Variants in KIF3A observed in about 807,000 individuals in gnomAD.
KIF3A encodes the protein kinesin family member 3A.
A neutral mutation model predicts 92.6 loss-of-function variants in KIF3A; 27 were observed. The ratio of observed to expected loss-of-function variants is 0.29; its 90% confidence interval spans 0.21 to 0.40. KIF3A has a LOEUF of 0.40. KIF3A is among the 10% of genes least tolerant of loss of function. The pLI is 1.00. For missense variants in KIF3A, 581 were observed against 872.6 expected (o/e 0.67, Z 4.21); for synonymous variants, 250 against 275.4 (o/e 0.91, Z 0.92).
At chr5:132,706,819 A>G (rs965521505) in intron 10 of KIF3A, among the ~76,000 whole-genome samples, 1 of 152,218 alleles carries the variant, frequency 6.6e-6, no homozygotes, top group African/African-American at 2.4e-5. Flanking sequence ...GGAACCTGCT[A>G]AGATCTGGGA....
rs907308055 is a variant in KIF3A, at chr5:132,716,513, T to C, written c.757-71A>G. 1.7e-5 allele frequency: 22 copies of C among 1,299,278 alleles called. No individual in the cohort carries two copies. In the East Asian group the frequency reaches 1.9e-4, roughly 11 times the overall value. The allele number at this position is 1,299,278 out of a possible 1,614,324, so 80.5% of individuals were successfully genotyped here. On this transcript the variant is annotated intron_variant, in intron 6 of 18. Coordinates refer to ENST00000403231, the MANE Select transcript of KIF3A (RefSeq NM_001300791.2). The stretch of plus-strand genomic sequence containing the variant: ...ATAGAATATTCTTCCCAAGGTTTTA[T>C]TAAAAAGTAATGTAACAGTAAAAAA...
At chr5:132,707,395 A>C (rs559906987) in intron 10 of KIF3A, among the ~76,000 whole-genome samples, 2 of 152,348 alleles carry the variant, frequency 1.3e-5, no homozygotes, top group South Asian at 4.1e-4. Context: ...CAAGAAAAAA[A>C]TTATGTGCTA....
At chr5:132,717,250 A>G (rs1753657654) in intron 5 of KIF3A, among the ~76,000 whole-genome samples, 1 of 152,336 alleles carries the variant, frequency 6.6e-6, no homozygotes, top group Admixed American at 6.5e-5. Context: ...TGCCTAAAAA[A>G]TAACTAATTT....
Position 132,726,230 on chromosome 5 carries a change from T to A in KIF3A, c.426-18A>T, listed in dbSNP as rs545963543. 4.4e-6 allele frequency: 7 copies of A among 1,594,596 alleles called. No individual in the cohort carries two copies. Among genetic ancestry groups the A allele is most frequent in the Admixed American group, 1.7e-5 (1 of 57,244 alleles). On this transcript the variant is annotated intron_variant, in intron 3 of 18. Transcript: ENST00000403231. ...CCAAAAATCTATAAAACATCATTTT[T>A]AAAAAGTCAAAGAGTGAAATATTCA...
At chr5:132,703,433 A>G in intron 12 of KIF3A, 30 bp downstream of exon 12, 1 of 1,529,060 alleles carries the variant, frequency 6.5e-7, no homozygotes, top group East Asian at 2.3e-5. Context: ...AATTTAAATC[A>G]TGAATTCATC....
rs78738313 is a variant in KIF3A, at chr5:132,729,784, T to A, written c.281-3286A>T. On this transcript the variant is annotated intron_variant, in intron 2 of 18. Transcript: ENST00000403231. ...CAATTTATAGCATTAAACTCCCATATTAGAAAGGAAAAAAGGTCTCAAACC... is the reference window on the plus strand; with the variant it reads ...CAATTTATAGCATTAAACTCCCATAATAGAAAGGAAAAAAGGTCTCAAACC... Among the ~76,000 whole-genome samples, 583 of 151,878 alleles carry A rather than the reference T, an allele frequency of 3.8e-3. 3 individuals are homozygous for A. Among genetic ancestry groups the A allele is most frequent in the African/African-American group, 0.014 (565 of 41,434 alleles).
intron 4 of KIF3A, 145 bp downstream of exon 4, chr5:132,725,983 G>C: frequency 2.0e-6 from 1 of 507,310 alleles, no homozygotes; most frequent in Non-Finnish European, 3.5e-6. Context: ...CCCCAGATAT[G>C]TCTGCAGATG....
intron 9 of KIF3A, among the ~76,000 whole-genome samples, chr5:132,710,377 G>A (rs1753373801): frequency 6.6e-6 from 1 of 152,182 alleles, no homozygotes. Context: ...AGCACTTTGG[G>A]AGGCCGAGGC....
rs542063674 is a variant in KIF3A, at chr5:132,719,541, G to A, written c.616+1068C>T. Among the ~76,000 whole-genome samples, 4 of 151,358 alleles carry A rather than the reference G, an allele frequency of 2.6e-5. No individual in the cohort carries two copies. In the East Asian group the frequency reaches 7.8e-4, roughly 29 times the overall value. On this transcript the variant is annotated intron_variant, in intron 5 of 18. Transcript: ENST00000403231. ...TTTGGTTGCTGTGTTGCCCAAGTTG[G>A]AGTGCAGTGGCGCGATCTCGGCTCA... is the stretch of plus-strand genomic sequence containing the variant.
downstream of KIF3A, among the ~76,000 whole-genome samples, chr5:132,690,140 C>T (rs1441534400): frequency 1.3e-5 from 2 of 152,184 alleles, no homozygotes; most frequent in South Asian, 2.1e-4. Flanking sequence ...CGCTTGAACT[C>T]GGGAGGCAGA....
chr5:132,731,376 TA>T (rs1754225398), intron 2 of KIF3A, among the ~76,000 whole-genome samples: 1 of 152,056 alleles, frequency 6.6e-6, no homozygotes. Flanking sequence ...TAATTGACCA[TA>T]TTAACAAACC....
At chr5:132,735,678 T>G (rs564563539) in intron 1 of KIF3A, among the ~76,000 whole-genome samples, 1 of 152,340 alleles carries the variant, frequency 6.6e-6, no homozygotes, top group East Asian at 1.9e-4. Flanking sequence ...ACTATACTCC[T>G]GAATCTAATC....
rs1752716261 is a variant in KIF3A at position 132,693,164 on chromosome 5, T to A, written c.*3470A>T. On this transcript the variant is annotated 3_prime_UTR_variant, in exon 19 of 19. Coordinates refer to ENST00000403231, the MANE Select transcript of KIF3A (RefSeq NM_001300791.2). ...CCCCAATAAAACCTTAAATTTTTGC[T>A]GTAAAAAGAAAAAAAAAACAACTCC... is the stretch of plus-strand genomic sequence containing the variant. The A allele has an allele frequency of 7.2e-6, 1 of 138,886 alleles. No individual in the cohort carries two copies. Among genetic ancestry groups the A allele is most frequent in the South Asian group, 2.2e-4 (1 of 4,550 alleles). 8.6% of individuals were successfully genotyped at this position (138,886 alleles called of 1,614,324 possible).
chr5:132,716,993 A>G lies in KIF3A; in HGVS notation c.617-9T>C, dbSNP rs1447786528. The G allele has an allele frequency of 6.2e-7, 1 of 1,611,790 alleles. No individual in the cohort carries two copies. Among genetic ancestry groups the G allele is most frequent in the Admixed American group, 1.7e-5 (1 of 59,484 alleles). On this transcript the variant is annotated splice_polypyrimidine_tract_variant and intron_variant, in intron 5 of 18. Transcript: ENST00000403231. ...AGTTGCACCAACAGAACCTTTAATA[A>G]ATAAACGAAATCCTTTAAAAGTGTA... is the stretch of plus-strand genomic sequence containing the variant.
At chr5:132,708,091 G>T (rs922570985) in intron 10 of KIF3A, among the ~76,000 whole-genome samples, 1 of 152,016 alleles carries the variant, frequency 6.6e-6, no homozygotes, top group Admixed American at 6.6e-5. Context: ...GGACCATCCT[G>T]GCTAACACGG....
intron 11 of KIF3A, among the ~76,000 whole-genome samples, chr5:132,705,016 G>C (rs552809987): frequency 6.6e-6 from 1 of 151,966 alleles, no homozygotes; most frequent in African/African-American, 2.4e-5. Context: ...AAATAAAAGA[G>C]TAAATAAAAG....
chr5:132,726,879 T>G (rs1477538714), intron 2 of KIF3A, among the ~76,000 whole-genome samples: 1 of 152,220 alleles, frequency 6.6e-6, no homozygotes, highest in Non-Finnish European at 1.5e-5. Context: ...CAGGAAGACC[T>G]GTCTCAAACC....
At chr5:132,724,551 C>T (rs1287336539) in intron 4 of KIF3A, among the ~76,000 whole-genome samples, 9 of 151,648 alleles carry the variant, frequency 5.9e-5, no homozygotes, top group Admixed American at 5.3e-4. Context: ...GGACAAAAAA[C>T]CAAACACCAC....
Position 132,706,458 on chromosome 5 carries a change from A to T in KIF3A, c.1302T>A (p.Asn434Lys). The T allele has an allele frequency of 6.5e-7, 1 of 1,542,804 alleles. No individual in the cohort carries two copies. Among genetic ancestry groups the T allele is most frequent in the Non-Finnish European group, 8.7e-7 (1 of 1,143,748 alleles). The change falls in exon 11 of 19, where the codon AAT (asparagine) becomes AAA (lysine). Residue 434 changes from asparagine (N) to lysine (K), a missense_variant and splice_region_variant. Asn to Lys is a moderately conservative substitution (Grantham distance 94). Transcript: ENST00000403231. ...IEKPLDKFLP[N>K]QAGKKKVSPD... ...CAAATCAATCACACCAACCTGCTTG[A>T]TCTTGCAATAAGAAGTAGTAAGCAA...
Sources: gnomAD v4.1 joint callset for allele counts (sites outside exome capture counted in the v4.1 genomes callset) on GRCh38, gnomAD v4.1.1 for gene constraint, MANE v1.5 for transcripts, NCBI Gene and HGNC (gene_info 2026-07-23, HGNC 2026-07-21) for gene names.